The following DLG2 variants were observed in gnomAD, a reference collection of about 807,000 sequenced individuals.
The protein encoded by DLG2 is disks large homolog 2.
Under a neutral mutation model 132.5 loss-of-function variants are expected in DLG2, and 45 were observed. That is an observed-to-expected ratio of 0.34 (90% CI 0.27 to 0.44). The LOEUF is 0.44. DLG2 is among the 20% of genes least tolerant of loss of function. The pLI is 1.00. For missense variants in DLG2, 1,045 were observed against 1,196.9 expected, an observed-to-expected ratio of 0.87 and a Z score of 1.87; for synonymous variants, 424 against 419.6, an observed-to-expected ratio of 1.01 and a Z score of -0.13.
chr11:83,834,018 C>T (rs918848751), intron 16 of DLG2, among the ~76,000 whole-genome samples: 1 of 152,206 alleles, frequency 6.6e-6, no homozygotes, highest in African/African-American at 2.4e-5. Flanking sequence ...TCTTAAACTA[C>T]CTTTACTTCT....
intron 6 of DLG2, among the ~76,000 whole-genome samples, chr11:84,783,306 G>A (rs774863761): frequency 6.6e-6 from 1 of 152,076 alleles, no homozygotes; most frequent in South Asian, 2.1e-4. Context: ...CTTAAATAAA[G>A]TATTTGTTCT....
At chr11:85,174,250 G>A (rs72945924) in intron 4 of DLG2, among the ~76,000 whole-genome samples, 15,218 of 151,892 alleles carry the variant, frequency 0.1, 1,074 homozygotes, top group African/African-American at 0.2. Context: ...ATGCCTAAGA[G>A]GCGAAATAAT....
At chr11:85,124,560 C>T (rs919660579) in intron 5 of DLG2, among the ~76,000 whole-genome samples, 2 of 152,168 alleles carry the variant, frequency 1.3e-5, no homozygotes, top group African/African-American at 4.8e-5. Flanking sequence ...AGTGAGTTTA[C>T]TAAGATTACT....
chr11:85,243,273 C>A (rs2075979524), intron 4 of DLG2, among the ~76,000 whole-genome samples: 1 of 151,878 alleles, frequency 6.6e-6, no homozygotes, highest in Non-Finnish European at 1.5e-5. Flanking sequence ...GAGCAGGATT[C>A]AAAAATGCAA....
At chr11:84,246,665 C>T (rs2097306087) in intron 8 of DLG2, among the ~76,000 whole-genome samples, 1 of 152,148 alleles carries the variant, frequency 6.6e-6, no homozygotes, top group Admixed American at 6.5e-5. Context: ...TTTGCTGTGG[C>T]ACCCCAAACT....
intron 21 of DLG2, among the ~76,000 whole-genome samples, chr11:83,496,558 C>A (rs531881274): frequency 1.3e-5 from 2 of 152,274 alleles, no homozygotes; most frequent in East Asian, 3.9e-4. Context: ...TATCCATCAA[C>A]AGGTAAATTA....
At chr11:84,162,905 T>A (rs2095578598) in intron 9 of DLG2, among the ~76,000 whole-genome samples, 1 of 152,140 alleles carries the variant, frequency 6.6e-6, no homozygotes, top group Non-Finnish European at 1.5e-5. Context: ...CTCTTATTGT[T>A]CTGTAAAATA....
chr11:83,980,997 A>G (rs1592278664), intron 11 of DLG2, among the ~76,000 whole-genome samples: 1 of 152,158 alleles, frequency 6.6e-6, no homozygotes, highest in Non-Finnish European at 1.5e-5. Flanking sequence ...AAAGACAAGT[A>G]TAGTCCTGCT....
At chr11:84,453,693 C>G (rs1484360002) in intron 7 of DLG2, among the ~76,000 whole-genome samples, 1 of 151,440 alleles carries the variant, frequency 6.6e-6, no homozygotes, top group Non-Finnish European at 1.5e-5. Context: ...ATTTTTGTTC[C>G]CATTTTACAC....
chr11:83,594,592 A>G (rs1030574368), intron 19 of DLG2, among the ~76,000 whole-genome samples: 2 of 152,240 alleles, frequency 1.3e-5, no homozygotes, highest in African/African-American at 4.8e-5. Context: ...TATTAAATAC[A>G]GGGAAAACTA....
chr11:83,692,755 A>T (rs2081204663), intron 18 of DLG2, among the ~76,000 whole-genome samples: 1 of 152,192 alleles, frequency 6.6e-6, no homozygotes, highest in Non-Finnish European at 1.5e-5. Flanking sequence ...TGGTTCACCA[A>T]ACTCATTTCC....
At chr11:84,311,236 G>C (rs1356296714) in intron 7 of DLG2, among the ~76,000 whole-genome samples, 1 of 152,074 alleles carries the variant, frequency 6.6e-6, no homozygotes, top group East Asian at 1.9e-4. Flanking sequence ...TAATGAAAGA[G>C]CACAATATGA....
intron 6 of DLG2, among the ~76,000 whole-genome samples, chr11:85,017,800 G>C (rs1411782696): frequency 6.6e-6 from 1 of 152,070 alleles, no homozygotes; most frequent in African/African-American, 2.4e-5. Context: ...GAACACATTT[G>C]CCCCAATTAC....
chr11:84,303,455 GA>G (rs2098179217), intron 7 of DLG2, among the ~76,000 whole-genome samples: 1 of 152,148 alleles, frequency 6.6e-6, no homozygotes, highest in African/African-American at 2.4e-5. Context: ...TGATGAAAAT[GA>G]TGAAGAAAAA....
intron 3 of DLG2, among the ~76,000 whole-genome samples, chr11:85,588,127 G>C (rs2079083475): frequency 6.6e-6 from 1 of 152,136 alleles, no homozygotes; most frequent in Admixed American, 6.5e-5. Flanking sequence ...CAGCTCTTGA[G>C]ATTCTTTCCT....
intron 7 of DLG2, among the ~76,000 whole-genome samples, chr11:84,495,360 C>T (rs2099179058): frequency 6.6e-6 from 1 of 152,178 alleles, no homozygotes; most frequent in Admixed American, 6.5e-5. Context: ...ACTGCTCTGA[C>T]ATAAATGTGT....
chr11:84,423,369 A>G (rs956308564), intron 7 of DLG2, among the ~76,000 whole-genome samples: 6 of 152,178 alleles, frequency 3.9e-5, no homozygotes, highest in African/African-American at 1.2e-4. Context: ...CTTAAATTCA[A>G]CTGTGTCCAT....
intron 4 of DLG2, among the ~76,000 whole-genome samples, chr11:85,264,186 T>C (rs1172659051): frequency 2.0e-5 from 3 of 152,154 alleles, no homozygotes; most frequent in Admixed American, 1.3e-4. Context: ...CACAGAGGAA[T>C]CACGTTTTGG....
chr11:84,945,800 G>A (rs186703967), intron 6 of DLG2, among the ~76,000 whole-genome samples: 21 of 152,140 alleles, frequency 1.4e-4, no homozygotes, highest in African/African-American at 5.1e-4. Context: ...CGTCCACTGG[G>A]ATCCAGGATC....
Sources: allele counts gnomAD v4.1 joint callset (sites outside exome capture counted in the v4.1 genomes callset), GRCh38; gene constraint gnomAD v4.1.1; transcripts MANE v1.5; gene names NCBI Gene and HGNC (gene_info 2026-07-23, HGNC 2026-07-21).